Variants in DNAH6 observed in about 807,000 individuals in gnomAD.
The protein encoded by DNAH6 is axonemal beta dynein heavy chain 6.
Under a neutral mutation model 491.4 loss-of-function variants are expected in DNAH6, and 340 were observed. The ratio of observed to expected loss-of-function variants is 0.69; its 90% CI spans 0.63 to 0.76. The LOEUF (loss-of-function observed/expected upper bound fraction) is 0.76, where lower values mean the gene tolerates loss of function less well. Ranked by LOEUF, DNAH6 falls within the 30% of genes least tolerant of loss-of-function variation. The pLI is 0.00. For synonymous variants in DNAH6, 1,603 were observed against 1,686.1 expected (o/e 0.95, Z 1.21); for missense variants, 4,443 against 4,972.2 (o/e 0.89, Z 3.20).
At chr2:84,771,547 C>A (rs555605418) in intron 64 of DNAH6, among the ~76,000 whole-genome samples, 2 of 152,042 alleles carry the variant, frequency 1.3e-5, no homozygotes, top group South Asian at 4.2e-4. Flanking sequence ...ATCAAAAGAC[C>A]AGACAAAGAA....
chr2:84,608,978 T>C (rs1158355031), intron 21 of DNAH6, among the ~76,000 whole-genome samples: 1 of 152,234 alleles, frequency 6.6e-6, no homozygotes, highest in Non-Finnish European at 1.5e-5. Flanking sequence ...CAGCACTTGC[T>C]ACTTCACCTT....
chr2:84,718,238 G>C lies in DNAH6; in HGVS notation c.9646G>C (p.Glu3216Gln), dbSNP rs1440569798. ...GCGACTTGAAAAACCCAGGTTGGAAGAACAAAGAATTAAGCTCATCGTGAG... is the reference window on the plus strand; with the variant it reads ...GCGACTTGAAAAACCCAGGTTGGAACAACAAAGAATTAAGCTCATCGTGAG... ...VVRLEKPRLE[E>Q]QRIKLIVRIN... Residue 3216 changes from glutamate to glutamine, a missense_variant, in exon 59 of 77, where the codon GAA (glutamate) becomes CAA (glutamine). By Grantham distance (29) the Glu-to-Gln change is conservative. This residue lies in a region of DNAH6 where 1,463 missense variants were observed against 1,656.6 expected (regional missense o/e 0.88). Coordinates refer to ENST00000389394, the MANE Select transcript of DNAH6 (RefSeq NM_001370.2). 5 of 1,541,066 alleles carry C rather than the reference G, an allele frequency of 3.2e-6. No individual in the cohort carries two copies. The African/African-American group carries it at 6.9e-5, about 21-fold the overall frequency.
chr2:84,593,474 G>A (rs1272268826), intron 16 of DNAH6, among the ~76,000 whole-genome samples: 1 of 152,124 alleles, frequency 6.6e-6, no homozygotes, highest in Non-Finnish European at 1.5e-5. Flanking sequence ...TCTCCATGGG[G>A]TTCATATAAA....
intron 29 of DNAH6, among the ~76,000 whole-genome samples, chr2:84,629,440 T>C (rs1272594863): frequency 6.6e-6 from 1 of 152,240 alleles, no homozygotes; most frequent in East Asian, 1.9e-4. Flanking sequence ...CTGTTGTCAG[T>C]CTGAGGAGTA....
intron 29 of DNAH6, among the ~76,000 whole-genome samples, chr2:84,629,237 G>T (rs560765281): frequency 8.5e-5 from 13 of 152,220 alleles, no homozygotes; most frequent in African/African-American, 3.1e-4. Flanking sequence ...TTATTACACA[G>T]ATCTCCAGGT....
chr2:84,513,503 T>A (rs1675411698), upstream of DNAH6, among the ~76,000 whole-genome samples: 3 of 152,188 alleles, frequency 2.0e-5, no homozygotes, highest in African/African-American at 7.2e-5. Flanking sequence ...GTTATTCCCA[T>A]AATTACTTTT....
chr2:84,684,696 CT>C (rs1573477843), intron 42 of DNAH6, among the ~76,000 whole-genome samples: 1 of 152,346 alleles, frequency 6.6e-6, no homozygotes, highest in East Asian at 1.9e-4. Context: ...CTCCCTGCCC[CT>C]GTCTACAGTG....
intron 37 of DNAH6, among the ~76,000 whole-genome samples, chr2:84,662,211 A>C (rs536787939): frequency 6.6e-6 from 1 of 152,244 alleles, no homozygotes; most frequent in East Asian, 1.9e-4. Context: ...GCAATGCAGA[A>C]GATGGTTGAT....
intron 70 of DNAH6, 164 bp downstream of exon 70, chr2:84,797,822 C>G (rs986212605): frequency 3.0e-6 from 2 of 672,792 alleles, no homozygotes; most frequent in Non-Finnish European, 2.5e-6. Context: ...TAGCCTGTTA[C>G]CTCTGGGTCC....
chr2:84,754,060 G>A (rs1248811161), intron 63 of DNAH6, among the ~76,000 whole-genome samples: 2 of 151,910 alleles, frequency 1.3e-5, no homozygotes, highest in African/African-American at 4.8e-5. Context: ...TTGACCTCAG[G>A]ATCCACCTGC....
chr2:84,768,551 A>C (rs1364962254), intron 64 of DNAH6, among the ~76,000 whole-genome samples: 1 of 152,114 alleles, frequency 6.6e-6, no homozygotes, highest in African/African-American at 2.4e-5. Context: ...CAATAATTTT[A>C]AAAGAAATTT....
intron 52 of DNAH6, 78 bp from the exon 53 acceptor site, chr2:84,706,818 T>G (rs1426952023): frequency 6.9e-7 from 1 of 1,456,974 alleles, no homozygotes; most frequent in African/African-American, 1.5e-5. Flanking sequence ...TATAAAATTT[T>G]TTTTAGATCT....
chr2:84,520,182 G>A (rs4395256), intron 2 of DNAH6, among the ~76,000 whole-genome samples: 141,811 of 151,984 alleles, frequency 0.93, 66,281 homozygotes, highest in East Asian at 1. Flanking sequence ...ATGTATAATT[G>A]TATTTAATTG....
intron 37 of DNAH6, among the ~76,000 whole-genome samples, chr2:84,664,979 A>G (rs1175851757): frequency 1.4e-5 from 2 of 147,446 alleles, no homozygotes; most frequent in Non-Finnish European, 3.1e-5. Flanking sequence ...GAAACTGAAC[A>G]ACCTGCTCCT....
In DNAH6 at chr2:84,694,456, G is replaced by T. The variant is rs1314380896; in HGVS notation, c.7500G>T (p.Met2500Ile). The change falls in exon 46 of 77, where the codon ATG becomes ATT. Residue 2500 changes from methionine to isoleucine, a missense_variant. Physicochemically the swap from Met to Ile is conservative, Grantham distance 10. Coordinates refer to ENST00000389394, the MANE Select transcript of DNAH6 (RefSeq NM_001370.2). ...TGGCTGGTGTAGAAGACAAGAATATGGTTTTCCTTTTCACTGACACCCAGG... is the reference window on the plus strand; with the variant it reads ...TGGCTGGTGTAGAAGACAAGAATATTGTTTTCCTTTTCACTGACACCCAGG... ...YKMAGVEDKN[M>I]VFLFTDTQIV... 1 of 1,551,792 alleles carries T rather than the reference G, an allele frequency of 6.4e-7. No homozygotes were observed. The highest frequency in any genetic ancestry group is 8.7e-7 in the Non-Finnish European group (1 of 1,146,956).
chr2:84,599,147 G>A (rs1684979086), intron 18 of DNAH6, among the ~76,000 whole-genome samples: 1 of 151,836 alleles, frequency 6.6e-6, no homozygotes, highest in African/African-American at 2.4e-5. Flanking sequence ...TGTCTGTTCA[G>A]ATCTTTTGCC....
At chr2:84,502,595 G>A in the DNAH6 span, among the ~76,000 whole-genome samples, 1 of 152,140 alleles carries the variant, frequency 6.6e-6, no homozygotes, top group Admixed American at 6.6e-5. Context: ...TGGAAGATCT[G>A]TCCAATGTCG....
intron 62 of DNAH6, among the ~76,000 whole-genome samples, chr2:84,737,609 G>C (rs1699625592): frequency 6.6e-6 from 1 of 151,780 alleles, no homozygotes; most frequent in Non-Finnish European, 1.5e-5. Flanking sequence ...TCTAGTTTGT[G>C]TGCATAGAGA....
Position 84,697,714 on chromosome 2 carries a change from G to T in DNAH6, c.7664G>T (p.Gly2555Val). The stretch of plus-strand genomic sequence containing the variant: ...GCAAAAGAAGTAGGAATTTCTGAGG[G>T]GAACAGAGACGAGGTAGGATGTGCC... ...PRAKEVGISE[G>V]NRDEVFQYFI... Residue 2555 changes from glycine to valine, a missense_variant, in exon 47 of 77, where the codon GGG (glycine) becomes GTG (valine). By Grantham distance (109) the Gly-to-Val change is moderately radical (BLOSUM62 -3). This residue lies in a region of DNAH6 where 2,977 missense variants were observed against 3,296.6 expected (regional missense o/e 0.90). Coordinates refer to ENST00000389394, the MANE Select transcript of DNAH6 (RefSeq NM_001370.2). 6.4e-7 allele frequency: 1 copy of T among 1,551,744 alleles called. No individual in the cohort carries two copies. The highest frequency in any genetic ancestry group is 8.7e-7 in the Non-Finnish European group (1 of 1,146,982).
Sources: gnomAD v4.1 joint callset for allele counts (sites outside exome capture counted in the v4.1 genomes callset) on GRCh38, gnomAD v4.1.1 for gene constraint, gnomAD v4.1.1 regional missense constraint, MANE v1.5 for transcripts, NCBI Gene and HGNC (gene_info 2026-07-23, HGNC 2026-07-21) for gene names.